The following ANKRD31 variants were observed in gnomAD, a reference collection of about 807,000 sequenced individuals.
ANKRD31 encodes the protein ankyrin repeat domain-containing protein 31.
ANKRD31 carries 147 observed loss-of-function variants against 186.0 expected under a neutral mutation model. That is an observed-to-expected ratio of 0.79 (90% CI 0.69 to 0.91). The LOEUF is 0.91. ANKRD31 is among the 40% of genes least tolerant of loss of function. The pLI, the probability that ANKRD31 is intolerant of heterozygous loss-of-function variation, is 0.00. For synonymous variants in ANKRD31, 673 were observed against 736.4 expected (o/e 0.91, Z 1.39); for missense variants, 1,986 against 2,148.8 (o/e 0.92, Z 1.50).
intron 25 of ANKRD31, among the ~76,000 whole-genome samples, chr5:75,069,235 C>T (rs1744014463): frequency 6.6e-6 from 1 of 150,888 alleles, no homozygotes; most frequent in African/African-American, 2.5e-5. Flanking sequence ...GGCTAATGGT[C>T]CTAAAACTGG....
At chr5:75,098,518 G>C (rs1746524815) in intron 22 of ANKRD31, among the ~76,000 whole-genome samples, 1 of 151,904 alleles carries the variant, frequency 6.6e-6, no homozygotes, top group South Asian at 2.1e-4. Context: ...AAATTACCTT[G>C]GGCAGTATGG....
At chr5:75,215,041 G>A (rs1021380619) in intron 3 of ANKRD31, among the ~76,000 whole-genome samples, 1 of 152,194 alleles carries the variant, frequency 6.6e-6, no homozygotes, top group Non-Finnish European at 1.5e-5. Context: ...GACACAGCCA[G>A]CCAATGGTAT....
chr5:75,187,983 CA>C (rs1482431864), intron 10 of ANKRD31, among the ~76,000 whole-genome samples: 3 of 152,258 alleles, frequency 2.0e-5, no homozygotes, highest in African/African-American at 7.2e-5. Flanking sequence ...CCACAGGGAA[CA>C]TTGTACCAGT....
chr5:75,183,353 GA>G (rs1315421765), intron 10 of ANKRD31, among the ~76,000 whole-genome samples: 101 of 152,080 alleles, frequency 6.6e-4, no homozygotes, highest in Admixed American at 6.6e-3. Context: ...TTAAGATCTG[GA>G]AAAAGACAAG....
rs144254171 is a variant in ANKRD31, at chr5:75,078,403, C to T, written c.5647+2165G>A. ...TTATCAGTAGGACCGTTTTATCTAA[C>T]GGACCATTTTATTAGGAACAAAAAA... On this transcript the variant is annotated intron_variant, in intron 25 of 25. Transcript: ENST00000506364. 1.6e-3 allele frequency among the ~76,000 whole-genome samples: 247 copies of T among 152,210 alleles called. 3 individuals carry two copies. Among genetic ancestry groups the T allele is most frequent in the Admixed American group, 2.4e-3 (37 of 15,298 alleles).
chr5:75,200,108 G>A lies in ANKRD31; in HGVS notation c.404-434C>T, dbSNP rs149619412. Among the ~76,000 whole-genome samples the A allele has an allele frequency of 4.1e-3, 630 of 152,192 alleles. 3 individuals are homozygous for A. Among genetic ancestry groups the A allele is most frequent in the Middle Eastern group, 6.8e-3 (2 of 294 alleles). On this transcript the variant is annotated intron_variant, in intron 5 of 25. Coordinates refer to ENST00000506364, the MANE Select transcript of ANKRD31 (RefSeq NM_001372053.1). Reference sequence around the variant, plus strand: ...GAAATGCCCCTTATAGGGGTCAAAAGGACAGAGGGTCATCCTAGACACTAT... The same window carrying A: ...GAAATGCCCCTTATAGGGGTCAAAAAGACAGAGGGTCATCCTAGACACTAT...
intron 24 of ANKRD31, among the ~76,000 whole-genome samples, chr5:75,081,384 T>A (rs2150013644): frequency 6.6e-6 from 1 of 152,178 alleles, no homozygotes; most frequent in Admixed American, 6.5e-5. Flanking sequence ...TCAGGATTTG[T>A]GAAAATAAAT....
intron 2 of ANKRD31, among the ~76,000 whole-genome samples, chr5:75,223,779 T>C (rs1013298172): frequency 1.3e-5 from 2 of 151,824 alleles, no homozygotes; most frequent in African/African-American, 4.8e-5. Context: ...CTTTGGGAGG[T>C]AGTTGGGTTT....
chr5:75,227,854 G>A (rs1757723452), intron 2 of ANKRD31, among the ~76,000 whole-genome samples: 1 of 152,154 alleles, frequency 6.6e-6, no homozygotes, highest in Non-Finnish European at 1.5e-5. Context: ...CTGATCAGCA[G>A]CAGCATCAGA....
chr5:75,223,880 T>C (rs1417032547), intron 2 of ANKRD31, among the ~76,000 whole-genome samples: 1 of 151,942 alleles, frequency 6.6e-6, no homozygotes, highest in Non-Finnish European at 1.5e-5. Flanking sequence ...TCTCTCTCCC[T>C]GAGCACAAAG....
At chr5:75,074,727 G>T (rs887962561) in intron 25 of ANKRD31, among the ~76,000 whole-genome samples, 3 of 151,932 alleles carry the variant, frequency 2.0e-5, no homozygotes, top group African/African-American at 4.8e-5. Flanking sequence ...TAAAATAAAA[G>T]ATTTTTTTTT....
At chr5:75,145,860 A>C in intron 14 of ANKRD31, 127 bp downstream of exon 14, 1 of 828,842 alleles carries the variant, frequency 1.2e-6, no homozygotes, top group Non-Finnish European at 1.7e-6. Flanking sequence ...TGGCATCTCA[A>C]AATATGGCCC....
intron 12 of ANKRD31, among the ~76,000 whole-genome samples, chr5:75,149,051 G>A (rs1023410417): frequency 2.0e-5 from 3 of 151,814 alleles, no homozygotes; most frequent in Non-Finnish European, 2.9e-5. Flanking sequence ...CTAATTGAAT[G>A]CTGCATTCTC....
chr5:75,112,891 C>T (rs1052397571), intron 19 of ANKRD31, among the ~76,000 whole-genome samples: 12 of 152,174 alleles, frequency 7.9e-5, no homozygotes, highest in African/African-American at 1.9e-4. Flanking sequence ...TCTGTTGAAA[C>T]TATAGGTGTA....
intron 22 of ANKRD31, among the ~76,000 whole-genome samples, chr5:75,100,994 A>G (rs909323634): frequency 6.6e-6 from 1 of 152,100 alleles, no homozygotes; most frequent in African/African-American, 2.4e-5. Context: ...TTTGCTCGTT[A>G]GTTGATGCAG....
chr5:75,163,356 A>C (rs1014529496), intron 11 of ANKRD31, among the ~76,000 whole-genome samples: 1 of 152,168 alleles, frequency 6.6e-6, no homozygotes, highest in African/African-American at 2.4e-5. Context: ...TCTTGGCCCC[A>C]TGTGGGGCAA....
chr5:75,119,977 G>A, intron 17 of ANKRD31, among the ~76,000 whole-genome samples: 1 of 152,136 alleles, frequency 6.6e-6, no homozygotes. Context: ...AGGTCAAAGA[G>A]GATGTGATAT....
At chr5:75,211,529 T>C (rs181749189) in intron 3 of ANKRD31, among the ~76,000 whole-genome samples, 65 of 152,290 alleles carry the variant, frequency 4.3e-4, no homozygotes, top group Middle Eastern at 3.4e-3. Context: ...GCTAAATCAT[T>C]AAGGTGATTC....
Position 75,146,082 on chromosome 5 carries a change from T to C in ANKRD31, c.3329A>G (p.Asn1110Ser), listed in dbSNP as rs1751411647. 2 of 1,534,470 alleles carry C rather than the reference T, an allele frequency of 1.3e-6. No homozygotes were observed. The highest frequency in any genetic ancestry group is 4.9e-5 in the East Asian group (2 of 40,846). The change falls in exon 14 of 26, where the codon AAT (asparagine) becomes AGT (serine). Residue 1110 changes from asparagine to serine, a missense_variant. Physicochemically the swap from Asn to Ser is conservative, Grantham distance 46 (BLOSUM62 1). Coordinates refer to ENST00000506364, the MANE Select transcript of ANKRD31 (RefSeq NM_001372053.1). ...QNHLESETIH[N>S]IDSHSTDNMS... ...ATTGTCAGTGGAATGAGAATCTATA[T>C]TGTGTATAGTCTCACTTTCTAGATG...
Sources: allele counts gnomAD v4.1 joint callset (sites outside exome capture counted in the v4.1 genomes callset), GRCh38; gene constraint gnomAD v4.1.1; transcripts MANE v1.5; gene names NCBI Gene and HGNC (gene_info 2026-07-23, HGNC 2026-07-21).